HIVEP3: variants seen among roughly 807,000 people sequenced by gnomAD.
HIVEP3 encodes the protein HIVEP zinc finger 3, also known as transcription factor HIVEP3.
HIVEP3 carries 49 observed loss-of-function variants against 152.8 expected under a neutral mutation model. The ratio of observed to expected loss-of-function variants is 0.32; its 90% CI spans 0.26 to 0.41. HIVEP3 has a LOEUF of 0.41. Ranked by LOEUF, HIVEP3 falls within the 10% of genes least tolerant of loss-of-function variation. The pLI, the probability that HIVEP3 is intolerant of heterozygous loss-of-function variation, is 1.00. For synonymous variants in HIVEP3, 1,269 were observed against 1,289.0 expected (o/e 0.98, Z 0.33); for missense variants, 2,790 against 3,103.3 (o/e 0.90, Z 2.40).
At chr1:41,958,234 T>C (rs796322405) in intron 1 of HIVEP3, among the ~76,000 whole-genome samples, 6 of 152,328 alleles carry the variant, frequency 3.9e-5, no homozygotes, top group African/African-American at 1.4e-4. Context: ...AAGGCACTAA[T>C]GGCAGCTGTG....
chr1:42,031,980 G>A (rs752726006), intron 1 of HIVEP3, among the ~76,000 whole-genome samples: 14 of 152,056 alleles, frequency 9.2e-5, no homozygotes, highest in African/African-American at 1.4e-4. Flanking sequence ...CTCTTTGAAC[G>A]CCACATAATC....
intron 1 of HIVEP3, among the ~76,000 whole-genome samples, chr1:41,959,993 T>C (rs1034464354): frequency 6.6e-5 from 10 of 152,124 alleles, no homozygotes; most frequent in Admixed American, 3.3e-4. Context: ...TATGATGTGA[T>C]ACATATGACG....
At chr1:42,000,596 A>G (rs565482375) in intron 1 of HIVEP3, among the ~76,000 whole-genome samples, 1 of 152,316 alleles carries the variant, frequency 6.6e-6, no homozygotes, top group Admixed American at 6.5e-5. Flanking sequence ...ACTCCCTTCC[A>G]TCTCAGCAGT....
intron 2 of HIVEP3, 85 bp from the exon 3 acceptor site, chr1:41,629,032 G>T (rs966552081): frequency 1.9e-6 from 2 of 1,040,874 alleles, no homozygotes; most frequent in African/African-American, 3.3e-5. Context: ...CTGGTCCCTG[G>T]AGGACACACC....
At chr1:41,897,090 G>T (rs1315985002) in intron 1 of HIVEP3, among the ~76,000 whole-genome samples, 1 of 152,266 alleles carries the variant, frequency 6.6e-6, no homozygotes, top group East Asian at 1.9e-4. Context: ...CACCACAGTG[G>T]TGTTTTGCAG....
Position 41,873,532 on chromosome 1 carries a change from T to C in HIVEP3, c.-801+44881A>G, listed in dbSNP as rs1361578100. ...CAAAACAACCACTGATCTACATTAT[T>C]TCAGAGGTAATGATACTTTTACATG... On this transcript the variant is annotated intron_variant, in intron 1 of 8. Transcript: ENST00000372583. The surrounding 1 kb of genome is among the most constrained non-coding windows in gnomAD (Gnocchi z 4.2). Among the ~76,000 whole-genome samples, 1 of 152,224 alleles carries C rather than the reference T, an allele frequency of 6.6e-6. No individual in the cohort carries two copies. Among genetic ancestry groups the C allele is most frequent in the Non-Finnish European group, 1.5e-5 (1 of 68,038 alleles).
intron 1 of HIVEP3, among the ~76,000 whole-genome samples, chr1:41,841,018 T>A (rs2124369228): frequency 6.6e-6 from 1 of 152,302 alleles, no homozygotes; most frequent in East Asian, 1.9e-4. Context: ...CTCTGTCCGG[T>A]AATAAAATGC....
In HIVEP3 at chr1:41,582,026, G is replaced by A. The variant is rs931283411; in HGVS notation, c.2772C>T (p.Ser924=). ...TCGGGCTGCGAGACAGAGGCACAGA[G>A]GACTCGAAGCTGGACTCCCCTGATG... ...AQSSGESSFE[S]SVPLSRSPSQ... Residue 924 remains serine, a synonymous_variant, in exon 4 of 9, where the codon TCC becomes TCT. Coordinates refer to ENST00000372583, the MANE Select transcript of HIVEP3 (RefSeq NM_024503.5). This position sits in a 1 kb window ranked among gnomAD's most constrained non-coding sequence, Gnocchi z 4.7. 3.7e-6 allele frequency: 6 copies of A among 1,614,084 alleles called. No individual in the cohort carries two copies. Among genetic ancestry groups the A allele is most frequent in the African/African-American group, 2.7e-5 (2 of 74,920 alleles).
intron 2 of HIVEP3, among the ~76,000 whole-genome samples, chr1:41,694,994 T>A (rs1646250654): frequency 6.6e-6 from 1 of 152,184 alleles, no homozygotes; most frequent in African/African-American, 2.4e-5. Context: ...CAGAGGGGAA[T>A]GCTATACAGA....
At chr1:42,008,925 A>G (rs1645477242) in intron 1 of HIVEP3, among the ~76,000 whole-genome samples, 1 of 152,210 alleles carries the variant, frequency 6.6e-6, no homozygotes, top group Non-Finnish European at 1.5e-5. Flanking sequence ...GGAGTTCTGA[A>G]TAAAAGGCAT....
chr1:42,009,731 A>AT (rs1176053161), intron 1 of HIVEP3, among the ~76,000 whole-genome samples: 13 of 152,086 alleles, frequency 8.5e-5, no homozygotes, highest in African/African-American at 3.1e-4. Context: ...TGATTGAAGA[A>AT]TTTGATTCTT....
intron 1 of HIVEP3, among the ~76,000 whole-genome samples, chr1:41,997,388 C>T (rs567612866): frequency 4.6e-5 from 7 of 152,102 alleles, no homozygotes; most frequent in Non-Finnish European, 7.3e-5. Context: ...CTCAGCAACA[C>T]GAACATGAAA....
At position 41,583,765 on chromosome 1, in the gene HIVEP3, A is replaced by G. The variant is rs751044179; in HGVS notation, c.1033T>C (p.Ser345Pro). The change falls in exon 4 of 9, where the codon TCA becomes CCA. Residue 345 changes from serine to proline, a missense_variant. Ser to Pro is a moderately conservative substitution (Grantham distance 74). This residue lies in a region of HIVEP3 where 125 missense variants were observed against 130.1 expected (regional missense o/e 0.96). Coordinates refer to ENST00000372583, the MANE Select transcript of HIVEP3 (RefSeq NM_024503.5). The surrounding 1 kb of genome is among the most constrained non-coding windows in gnomAD (Gnocchi z 6.9). Reference protein sequence around the residue: ...LEDPPPFVEPSSEHPLSHKPE... With the variant: ...LEDPPPFVEPPSEHPLSHKPE... Reference sequence around the variant, plus strand: ...TTATGGCTCAGGGGGTGCTCAGATGAGGGTTCCACAAATGGAGGGGGGTCT... The same window carrying G: ...TTATGGCTCAGGGGGTGCTCAGATGGGGGTTCCACAAATGGAGGGGGGTCT... 76 of 1,591,620 alleles carry G rather than the reference A, an allele frequency of 4.8e-5. 1 individual carries two copies. In the Admixed American group the frequency reaches 1.1e-3, roughly 22 times the overall value.
At chr1:41,750,942 G>A (rs994509926) in intron 1 of HIVEP3, among the ~76,000 whole-genome samples, 5 of 152,130 alleles carry the variant, frequency 3.3e-5, no homozygotes, top group Admixed American at 2.0e-4. Context: ...TGGAACTTCT[G>A]ACTTCAAGTG....
rs1228143216 is a variant in HIVEP3, at chr1:41,634,215, GAA to G, written c.-720-5270_-720-5269del. 2.6e-5 allele frequency among the ~76,000 whole-genome samples: 4 copies of G among 151,842 alleles called. No homozygotes were observed. In the East Asian group the frequency reaches 5.8e-4, roughly 22 times the overall value. ...AAAAAGGACAATATAGGATATCCAA[GAA>G]ACAGGGAGAAATAATAAAAGCAGAA... On this transcript the variant is annotated intron_variant, in intron 2 of 8. Transcript: ENST00000372583.
chr1:41,956,327 C>T (rs2124494770), intron 1 of HIVEP3, among the ~76,000 whole-genome samples: 1 of 152,296 alleles, frequency 6.6e-6, no homozygotes, highest in African/African-American at 2.4e-5. Flanking sequence ...AAACTTGAGG[C>T]CCATTATCTG....
rs528750553 is a variant in HIVEP3 at position 41,510,404 on chromosome 1, C to A, written c.*47G>T. 2.2e-6 allele frequency: 3 copies of A among 1,389,596 alleles called. No homozygotes were observed. In the South Asian group the frequency reaches 5.4e-5, roughly 25 times the overall value. 86.1% of individuals were successfully genotyped at this position (1,389,596 alleles called of 1,614,324 possible). On this transcript the variant is annotated 3_prime_UTR_variant, in exon 9 of 9. Transcript: ENST00000372583. ...ATTCGAGGAAAGTGGCTGGAAACGT[C>A]TGTTGCTGGACACTGGAAGCCAGAT...
At chr1:41,637,373 G>T (rs762016718) in intron 2 of HIVEP3, among the ~76,000 whole-genome samples, 4 of 152,198 alleles carry the variant, frequency 2.6e-5, no homozygotes, top group Non-Finnish European at 5.9e-5. Flanking sequence ...GAGATTCATT[G>T]TGGCTTTGTC....
chr1:41,553,212 T>A (rs1031301937), intron 5 of HIVEP3, among the ~76,000 whole-genome samples: 1 of 152,160 alleles, frequency 6.6e-6, no homozygotes, highest in Non-Finnish European at 1.5e-5. Flanking sequence ...TTTAGGATAG[T>A]TAGCTCTTCT....
Sources: gnomAD v4.1 joint callset for allele counts (sites outside exome capture counted in the v4.1 genomes callset) on GRCh38, gnomAD v4.1.1 for gene constraint, gnomAD v4.1.1 regional missense constraint, Gnocchi (gnomAD v3.1) non-coding constraint, MANE v1.5 for transcripts, NCBI Gene and HGNC (gene_info 2026-07-23, HGNC 2026-07-21) for gene names.